Variants in MAP2K6 observed in about 807,000 individuals in gnomAD.
MAP2K6 encodes mitogen-activated protein kinase kinase 6.
MAP2K6 carries 16 observed loss-of-function variants against 53.7 expected under a neutral mutation model. The observed-to-expected ratio is 0.30, with a 90% CI of 0.20 to 0.45. The LOEUF is 0.45. Ranked by LOEUF, MAP2K6 falls within the 20% of genes least tolerant of loss-of-function variation. MAP2K6 has a pLI of 1.00. For missense variants in MAP2K6, 204 were observed against 411.9 expected (o/e 0.50, Z 4.37); for synonymous variants, 132 against 143.1 (o/e 0.92, Z 0.55).
chr17:69,505,962 G>A (rs1598296308), intron 2 of MAP2K6, 116 bp downstream of exon 2: 2 of 785,256 alleles, frequency 2.5e-6, no homozygotes, highest in East Asian at 2.6e-5. Flanking sequence ...CTTTAAGGGG[G>A]AAGCCATTTG....
At chr17:69,443,347 C>A (rs1906877637) in intron 1 of MAP2K6, among the ~76,000 whole-genome samples, 1 of 152,160 alleles carries the variant, frequency 6.6e-6, no homozygotes, top group Non-Finnish European at 1.5e-5. Context: ...TGTAAGGCGC[C>A]ATGGAGGCTG....
intron 1 of MAP2K6, among the ~76,000 whole-genome samples, chr17:69,472,109 T>C (rs1026805771): frequency 2.0e-5 from 3 of 152,130 alleles, no homozygotes; most frequent in African/African-American, 4.8e-5. Flanking sequence ...ACTTAACATA[T>C]CGTTCTTCAA....
chr17:69,500,447 C>CATAA (rs1909112355), intron 1 of MAP2K6, among the ~76,000 whole-genome samples: 1 of 57,626 alleles, frequency 1.7e-5, no homozygotes. Flanking sequence ...GACTCTGTCT[C>CATAA]AAAAAAAAAA....
At chr17:69,526,237 C>T (rs765228434) in intron 9 of MAP2K6, among the ~76,000 whole-genome samples, 7 of 152,188 alleles carry the variant, frequency 4.6e-5, no homozygotes, top group South Asian at 2.1e-4. Flanking sequence ...TCAGACCAAA[C>T]GTTTGAAATC....
At chr17:69,495,366 G>T (rs1260275095) in intron 1 of MAP2K6, among the ~76,000 whole-genome samples, 6 of 151,786 alleles carry the variant, frequency 4.0e-5, no homozygotes, top group Admixed American at 3.9e-4. Flanking sequence ...CTCCCAAGTA[G>T]CTGGGACTAC....
At chr17:69,483,088 C>G (rs1362390588) in intron 1 of MAP2K6, among the ~76,000 whole-genome samples, 1 of 151,862 alleles carries the variant, frequency 6.6e-6, no homozygotes, top group Non-Finnish European at 1.5e-5. Context: ...CTGTGTTAAA[C>G]ATTGTACTGC....
chr17:69,541,213 AGATCGCACCACTGCACTCCAGCCTGGGC>A, intron 11 of MAP2K6, among the ~76,000 whole-genome samples: 1 of 152,198 alleles, frequency 6.6e-6, no homozygotes, highest in African/African-American at 2.4e-5. Flanking sequence ...CAGTGAGCCA[AGATCGCACCACTGCACTCCAGCCTGGGC>A]AACAGAGCGA....
chr17:69,463,944 G>A (rs1484562670), intron 1 of MAP2K6, among the ~76,000 whole-genome samples: 9 of 151,598 alleles, frequency 5.9e-5, no homozygotes, highest in Non-Finnish European at 1.0e-4. Context: ...GCTTGAACCT[G>A]GGAGGCGGAG....
chr17:69,435,780 G>A (rs1906621565), intron 1 of MAP2K6, among the ~76,000 whole-genome samples: 1 of 151,616 alleles, frequency 6.6e-6, no homozygotes, highest in African/African-American at 2.4e-5. Flanking sequence ...TGATTCTCCC[G>A]CCTAAGCCTC....
chr17:69,486,702 C>A (rs1908550397), intron 1 of MAP2K6, among the ~76,000 whole-genome samples: 1 of 152,162 alleles, frequency 6.6e-6, no homozygotes. Context: ...TCAGCCTTAC[C>A]CTTCTGCTAA....
rs544955751 is a variant in MAP2K6, at chr17:69,464,961, G to A, written c.17-40819G>A. ...GAACTCCTGACCTTGTGATCCCTCC[G>A]CCTCGGCCTCCCGAAGTGCTGGGAT... On this transcript the variant is annotated intron_variant, in intron 1 of 11. Coordinates refer to ENST00000590474, the MANE Select transcript of MAP2K6 (RefSeq NM_002758.4). Among the ~76,000 whole-genome samples the A allele has an allele frequency of 1.4e-4, 22 of 151,802 alleles. No homozygotes were observed. The East Asian group carries it at 2.5e-3, about 17-fold the overall frequency.
chr17:69,491,297 C>T (rs1235100542), intron 1 of MAP2K6, among the ~76,000 whole-genome samples: 1 of 152,140 alleles, frequency 6.6e-6, no homozygotes, highest in Non-Finnish European at 1.5e-5. Context: ...GCACGTGCCA[C>T]CACGCCCGGC....
At chr17:69,522,699 G>A (rs2521355) in intron 7 of MAP2K6, among the ~76,000 whole-genome samples, 63,487 of 151,764 alleles carry the variant, frequency 0.42, 13,381 homozygotes, top group East Asian at 0.48. Context: ...TGGAATACCT[G>A]GGTTTATGAT....
intron 1 of MAP2K6, among the ~76,000 whole-genome samples, chr17:69,432,609 C>T (rs371619501): frequency 2.0e-5 from 3 of 149,802 alleles, no homozygotes; most frequent in African/African-American, 2.5e-5. Context: ...ACAATGAGAA[C>T]GCATGGACAC....
At chr17:69,471,458 T>G (rs1907979473) in intron 1 of MAP2K6, among the ~76,000 whole-genome samples, 1 of 152,188 alleles carries the variant, frequency 6.6e-6, no homozygotes, top group Non-Finnish European at 1.5e-5. Context: ...ACTTATATGC[T>G]GGAGCTAAAC....
intron 1 of MAP2K6, among the ~76,000 whole-genome samples, chr17:69,496,776 A>G (rs141737920): frequency 3.3e-5 from 5 of 151,658 alleles, no homozygotes; most frequent in Middle Eastern, 3.4e-3. Flanking sequence ...CTTAAGCTCC[A>G]TTTGCCTGCT....
intron 1 of MAP2K6, among the ~76,000 whole-genome samples, chr17:69,444,113 G>C (rs1906899996): frequency 6.6e-6 from 1 of 152,124 alleles, no homozygotes; most frequent in African/African-American, 2.4e-5. Flanking sequence ...AGTAGGGTTG[G>C]TCCTAAAATA....
intron 1 of MAP2K6, chr17:69,501,736 T>C (rs1909183578): frequency 6.6e-6 from 1 of 152,140 alleles, no homozygotes; most frequent in South Asian, 2.1e-4. Flanking sequence ...CGAGGCTTGT[T>C]GCGATCTGCA....
chr17:69,505,862 C>T lies in MAP2K6; in HGVS notation c.83+16C>T. On this transcript the variant is annotated intron_variant, in intron 2 of 11. Coordinates refer to ENST00000590474, the MANE Select transcript of MAP2K6 (RefSeq NM_002758.4). ...CCAGTTCCACGTAAGTTGACAAGAC[C>T]ATCATCTGAATCCAAATCCTTGTGC... 2 of 1,609,210 alleles carry T rather than the reference C, an allele frequency of 1.2e-6. No homozygotes were observed. Among genetic ancestry groups the T allele is most frequent in the Non-Finnish European group, 1.7e-6 (2 of 1,176,100 alleles).
Sources: gnomAD v4.1 joint callset for allele counts (sites outside exome capture counted in the v4.1 genomes callset) on GRCh38, gnomAD v4.1.1 for gene constraint, MANE v1.5 for transcripts, NCBI Gene and HGNC (gene_info 2026-07-23, HGNC 2026-07-21) for gene names.